Variants in WWOX observed in about 807,000 individuals in gnomAD.
WWOX encodes WW domain containing oxidoreductase.
WWOX carries 69 observed loss-of-function variants against 46.2 expected under a neutral mutation model. The observed-to-expected ratio is 1.49, with a 90% confidence interval of 1.23 to 1.82. The LOEUF is 1.82. Ranked by LOEUF, WWOX falls within the 40% of genes most tolerant of loss-of-function variation. The probability of loss-of-function intolerance (pLI) is 0.00; values close to 1 mark genes in which losing one functional copy is unlikely to be tolerated. For synonymous variants in WWOX, 359 were observed against 202.6 expected, an observed-to-expected ratio of 1.77 and a Z score of -6.56; for missense variants, 919 against 542.6, an observed-to-expected ratio of 1.69 and a Z score of -6.89.
intron 8 of WWOX, among the ~76,000 whole-genome samples, chr16:79,096,153 C>G (rs1002937150): frequency 6.6e-6 from 1 of 151,550 alleles, no homozygotes; most frequent in Non-Finnish European, 1.5e-5. Context: ...CAGGCATGAG[C>G]CACAGAGCCT....
chr16:78,703,049 G>A (rs1049250175), intron 8 of WWOX, among the ~76,000 whole-genome samples: 24 of 152,168 alleles, frequency 1.6e-4, no homozygotes, highest in African/African-American at 5.5e-4. Flanking sequence ...TGCAGTGCTT[G>A]TTGGGATCAG....
chr16:79,002,604 A>T (rs551669010), intron 8 of WWOX, among the ~76,000 whole-genome samples: 2 of 152,344 alleles, frequency 1.3e-5, no homozygotes, highest in African/African-American at 4.8e-5. Context: ...CAGATCAGTT[A>T]TTTTGAGCTC....
chr16:78,780,486 A>C (rs964831958), intron 8 of WWOX: 1 of 152,248 alleles, frequency 6.6e-6, no homozygotes, highest in Admixed American at 6.5e-5. Context: ...GACTTCCGTG[A>C]TGCGGGGGAA....
intron 8 of WWOX, chr16:78,873,149 G>C (rs1451872734): frequency 6.6e-6 from 1 of 152,122 alleles, no homozygotes; most frequent in Non-Finnish European, 1.5e-5. Flanking sequence ...TCTGGGTCTT[G>C]GTTCCATGCG....
chr16:78,883,799 CAAT>C (rs1284346361), intron 8 of WWOX, among the ~76,000 whole-genome samples: 1 of 151,692 alleles, frequency 6.6e-6, no homozygotes, highest in Non-Finnish European at 1.5e-5. Flanking sequence ...AGGGGAAAGA[CAAT>C]AAACAGCGTG....
At chr16:78,273,925 T>G (rs1321070184) in intron 5 of WWOX, among the ~76,000 whole-genome samples, 1 of 152,184 alleles carries the variant, frequency 6.6e-6, no homozygotes, top group Non-Finnish European at 1.5e-5. Flanking sequence ...TGGATTTAGA[T>G]CTGGCACTCA....
At chr16:79,052,151 C>T (rs910847780) in intron 8 of WWOX, among the ~76,000 whole-genome samples, 22 of 152,080 alleles carry the variant, frequency 1.4e-4, no homozygotes, top group Admixed American at 9.2e-4. Context: ...AACTCGTCAT[C>T]TAGCATTAGG....
At chr16:78,800,578 A>G (rs545651522) in intron 8 of WWOX, among the ~76,000 whole-genome samples, 1 of 152,300 alleles carries the variant, frequency 6.6e-6, no homozygotes, top group South Asian at 2.1e-4. Context: ...ATCTGTCCCC[A>G]CTGTGATAGA....
intron 8 of WWOX, among the ~76,000 whole-genome samples, chr16:79,038,868 C>G (rs1050801498): frequency 6.6e-6 from 1 of 152,086 alleles, no homozygotes. Flanking sequence ...ACTTTTAAAT[C>G]AGAAAAATAC....
intron 8 of WWOX, among the ~76,000 whole-genome samples, chr16:78,713,338 G>A (rs2048486662): frequency 1.3e-5 from 2 of 149,844 alleles, no homozygotes; most frequent in Admixed American, 1.3e-4. Flanking sequence ...GACAGGGCAT[G>A]GTGTGAGCTG....
intron 8 of WWOX, among the ~76,000 whole-genome samples, chr16:78,744,305 G>T (rs536467249): frequency 1.3e-5 from 2 of 151,928 alleles, no homozygotes; most frequent in African/African-American, 4.8e-5. Flanking sequence ...GTGTGTCTCA[G>T]AAGGTACATG....
intron 4 of WWOX, among the ~76,000 whole-genome samples, chr16:78,157,382 G>T (rs1049334146): frequency 6.6e-6 from 1 of 152,166 alleles, no homozygotes; most frequent in African/African-American, 2.4e-5. Flanking sequence ...TGATCTAGGT[G>T]TCTTTTGCTC....
chr16:78,696,966 C>A (rs2048113472), intron 8 of WWOX, among the ~76,000 whole-genome samples: 1 of 151,980 alleles, frequency 6.6e-6, no homozygotes, highest in South Asian at 2.1e-4. Flanking sequence ...TCTCCAGTCC[C>A]ATCCAGGTTG....
chr16:78,569,056 G>T (rs970749148), intron 8 of WWOX, among the ~76,000 whole-genome samples: 9 of 152,112 alleles, frequency 5.9e-5, no homozygotes, highest in Non-Finnish European at 8.8e-5. Context: ...CAGCCTCTTG[G>T]GCTGGCTCAT....
In WWOX at chr16:78,470,462, G is replaced by A. The variant is rs561236777; in HGVS notation, c.1056+37710G>A. Among the ~76,000 whole-genome samples, 7 of 152,206 alleles carry A rather than the reference G, an allele frequency of 4.6e-5. No individual in the cohort carries two copies. In the South Asian group the frequency reaches 1.5e-3, roughly 32 times the overall value. ...ACTAAGCATGCTTCCTTCCCTCTAC[G>A]ATTTCATCCTCATGGGGAAGCAAGA... On this transcript the variant is annotated intron_variant, in intron 8 of 8. Transcript: ENST00000566780.
At chr16:78,792,063 G>C (rs7184611) in intron 8 of WWOX, among the ~76,000 whole-genome samples, 39,039 of 151,908 alleles carry the variant, frequency 0.26, 5,249 homozygotes, top group Admixed American at 0.33. Context: ...GCTTAGCCCT[G>C]TCCCTGGTGC....
intron 4 of WWOX, among the ~76,000 whole-genome samples, chr16:78,158,544 G>A (rs1208118841): frequency 6.9e-6 from 1 of 144,822 alleles, no homozygotes; most frequent in Non-Finnish European, 1.5e-5. Flanking sequence ...TAAATATACA[G>A]AACTTTTTCA....
At chr16:78,774,790 C>G (rs1363507085) in intron 8 of WWOX, among the ~76,000 whole-genome samples, 1 of 152,138 alleles carries the variant, frequency 6.6e-6, no homozygotes, top group Non-Finnish European at 1.5e-5. Flanking sequence ...TGGCATTGTT[C>G]TGAACTGTGA....
rs963828199 is a variant in WWOX, at chr16:79,210,111, C to G, written c.1057-1497C>G. On this transcript the variant is annotated intron_variant, in intron 8 of 8. Transcript: ENST00000566780. ...CAAGCAGCCAGTTATTATCAAAACC[C>G]AAGTCTTTGTCTCACTCACGGTCCA... Among the ~76,000 whole-genome samples, 5 of 152,158 alleles carry G rather than the reference C, an allele frequency of 3.3e-5. No homozygotes were observed. The South Asian group carries it at 8.3e-4, about 25-fold the overall frequency.
Sources: allele counts gnomAD v4.1 joint callset (sites outside exome capture counted in the v4.1 genomes callset), GRCh38; gene constraint gnomAD v4.1.1; transcripts MANE v1.5; gene names NCBI Gene and HGNC (gene_info 2026-07-23, HGNC 2026-07-21).